The following MIB2 variants were observed in gnomAD, a reference collection of about 807,000 sequenced individuals.
MIB2 encodes the protein E3 ubiquitin-protein ligase MIB2.
In MIB2, 78 loss-of-function variants were observed where a neutral mutation model predicts 96.6. The ratio of observed to expected loss-of-function variants is 0.81; its 90% CI spans 0.67 to 0.97. MIB2 has a LOEUF of 0.97. Ranked by LOEUF, MIB2 falls within the 50% of genes least tolerant of loss-of-function variation. The pLI is 0.00. For missense variants in MIB2, 1,543 were observed against 1,424.0 expected, an observed-to-expected ratio of 1.08 and a Z score of -1.35; for synonymous variants, 820 against 629.5, an observed-to-expected ratio of 1.30 and a Z score of -4.53.
intron 19 of MIB2, 71 bp downstream of exon 19, chr1:1,629,775 C>A (rs528241189): frequency 1.4e-6 from 2 of 1,441,112 alleles, no homozygotes; most frequent in African/African-American, 2.9e-5. Context: ...GTCCCCCACC[C>A]CTTCCCTCCC....
In MIB2 at chr1:1,625,045, C is replaced by T; in HGVS notation, c.581C>T (p.Thr194Ile). 6.2e-7 allele frequency: 1 copy of T among 1,613,182 alleles called. No individual in the cohort carries two copies. The highest frequency in any genetic ancestry group is 8.5e-7 in the Non-Finnish European group (1 of 1,179,976). ...VVDIRGWDVETGRSVASVTWA... is the reference protein window; with the variant it reads ...VVDIRGWDVEIGRSVASVTWA... ...GACATCCGTGGCTGGGATGTGGAGA[C>T]AGGCCGGAGTGTGGCCAGCGTGACG... The change falls in exon 6 of 20, where the codon ACA becomes ATA. Residue 194 changes from threonine (T) to isoleucine (I), a missense_variant. Physicochemically the swap from Thr to Ile is moderately conservative, Grantham distance 89. Transcript: ENST00000355826. This position sits in a 1 kb window ranked among gnomAD's most constrained non-coding sequence, Gnocchi z 5.0.
chr1:1,628,467 G>A, intron 15 of MIB2, 22 bp from the exon 16 acceptor site: 2 of 1,596,212 alleles, frequency 1.3e-6, no homozygotes, highest in Admixed American at 1.7e-5. Flanking sequence ...CCTGGGCTGA[G>A]CCCGTCCCCA....
chr1:1,622,072 C>A (rs1183498812), intron 2 of MIB2, among the ~76,000 whole-genome samples: 1 of 152,194 alleles, frequency 6.6e-6, no homozygotes, highest in African/African-American at 2.4e-5. Context: ...CCTGTGAGGC[C>A]CAGGCTGGCC....
In MIB2 at chr1:1,626,348, G is replaced by T. The variant is rs1644760776; in HGVS notation, c.973-302G>T. On this transcript the variant is annotated intron_variant, in intron 8 of 19. Coordinates refer to ENST00000355826, the MANE Select transcript of MIB2 (RefSeq NM_001170687.4). This position sits in a 1 kb window ranked among gnomAD's most constrained non-coding sequence, Gnocchi z 5.3. ...CTCACGGGCCCTGGCCATGTTGCCT[G>T]CTGCTGGTCAGCGTACAGCTTCCCA... 6.9e-6 allele frequency: 3 copies of T among 433,808 alleles called. No individual in the cohort carries two copies. Among genetic ancestry groups the T allele is most frequent in the Middle Eastern group, 5.9e-4 (1 of 1,682 alleles). The allele number at this position is 433,808 out of a possible 1,614,324, so 26.9% of individuals were successfully genotyped here.
At chr1:1,615,345 C>T (rs1182898144), upstream of MIB2, 6 of 1,396,246 alleles carry the variant, frequency 4.3e-6, no homozygotes, top group Non-Finnish European at 5.5e-6. Flanking sequence ...CGCAGGCGCC[C>T]GGAGGCTAAG....
Position 1,627,110 on chromosome 1 carries a change from A to G in MIB2, c.1277A>G (p.Gln426Arg). ...GTGGCCCTGGACAAGCTTCGGGCCC[A>G]GAAGAGTGACCCAGAGCACCCGGGA... ...LSVALDKLRA[Q>R]KSDPEHPGRL... The change falls in exon 11 of 20, where the codon CAG becomes CGG. Residue 426 changes from glutamine to arginine, a missense_variant. Gln to Arg is a conservative substitution (Grantham distance 43). Coordinates refer to ENST00000355826, the MANE Select transcript of MIB2 (RefSeq NM_001170687.4). 6.2e-7 allele frequency: 1 copy of G among 1,600,730 alleles called. No individual in the cohort carries two copies. The highest frequency in any genetic ancestry group is 8.5e-7 in the Non-Finnish European group (1 of 1,174,146).
chr1:1,629,153 C>T lies in MIB2; in HGVS notation c.2223C>T (p.Pro741=), dbSNP rs955850002. ...CCCAGCTACAGGCCTCGGGCCTCCCCGGCAGCGCGGAGCTGACGGTGGGCG... is the reference window on the plus strand; with the variant it reads ...CCCAGCTACAGGCCTCGGGCCTCCCTGGCAGCGCGGAGCTGACGGTGGGCG... The part of the protein sequence containing the change: ...LLSRLQASGL[P]GSAELTVGAA... Residue 741 remains proline, a synonymous_variant, in exon 17 of 20, where the codon CCC becomes CCT. Coordinates refer to ENST00000355826, the MANE Select transcript of MIB2 (RefSeq NM_001170687.4). 13 of 1,498,920 alleles carry T rather than the reference C, an allele frequency of 8.7e-6. No individual in the cohort carries two copies. Among genetic ancestry groups the T allele is most frequent in the Admixed American group, 2.2e-5 (1 of 46,370 alleles). The allele number at this position is 1,498,920 out of a possible 1,614,324, so 92.9% of individuals were successfully genotyped here. A position where few individuals can be genotyped will look rare whatever the true frequency, so the allele number is the denominator to read the frequency against.
rs192469390 is a variant in MIB2, at chr1:1,626,785, G to T, written c.1077+31G>T. On this transcript the variant is annotated intron_variant, in intron 9 of 19. Transcript: ENST00000355826. This position sits in a 1 kb window ranked among gnomAD's most constrained non-coding sequence, Gnocchi z 5.3. ...TCCCCCTGCCACCCCCGCCGCTAGC[G>T]CCGCTGCCCCCCACACCTGCAGCCT... 7.3e-5 allele frequency: 116 copies of T among 1,580,590 alleles called. 1 individual carries two copies. The highest frequency in any genetic ancestry group is 1.0e-4 in the Admixed American group (6 of 58,140).
rs751690977 is a variant in MIB2 at position 1,623,957 on chromosome 1, G to A, written c.419+12G>A. On this transcript the variant is annotated intron_variant, in intron 4 of 19. Transcript: ENST00000355826. ...GCTCACTCGCGCCCGTGAGTCCCGG[G>A]CCGCACCGGCTCCTGTGCGGCGGGT... is the stretch of plus-strand genomic sequence containing the variant. The A allele has an allele frequency of 6.3e-7, 1 of 1,596,566 alleles. No homozygotes were observed. The highest frequency in any genetic ancestry group is 8.6e-7 in the Non-Finnish European group (1 of 1,168,540).
rs773111225 is a variant in MIB2, at chr1:1,628,536, G to C, written c.2016G>C (p.Leu672=). The change falls in exon 16 of 20, where the codon CTG becomes CTC. Residue 672 remains leucine, a synonymous_variant. Transcript: ENST00000355826. ...NVRNRKLQSP[L]HLAVQQAHVG... The stretch of plus-strand genomic sequence containing the variant: ...GCAACCGGAAGCTGCAGTCCCCGCT[G>C]CATCTCGCCGTGCAACAGGCCCACG... 1 of 1,601,144 alleles carries C rather than the reference G, an allele frequency of 6.2e-7. No homozygotes were observed.
intron 15 of MIB2, 26 bp from the exon 16 acceptor site, chr1:1,628,463 C>A: frequency 6.3e-7 from 1 of 1,595,996 alleles, no homozygotes; most frequent in Non-Finnish European, 8.5e-7. Context: ...GGTCCCTGGG[C>A]TGAGCCCGTC....
chr1:1,627,242 G>C lies in MIB2; in HGVS notation c.1374+35G>C, dbSNP rs370928193. 1.2e-5 allele frequency: 20 copies of C among 1,612,476 alleles called. No homozygotes were observed. In the African/African-American group the frequency reaches 2.5e-4, roughly 20 times the overall value. Reference sequence around the variant, plus strand: ...TGACCCCGTCCTCCCATACTGGCCAGTCTGAGAGTGAGGGGCAGAGGGCCA... The same window carrying C: ...TGACCCCGTCCTCCCATACTGGCCACTCTGAGAGTGAGGGGCAGAGGGCCA... On this transcript the variant is annotated intron_variant, in intron 11 of 19. Transcript: ENST00000355826.
intron 3 of MIB2, 37 bp downstream of exon 3, chr1:1,623,736 G>A (rs764911924): frequency 7.7e-5 from 119 of 1,538,082 alleles, no homozygotes; most frequent in Non-Finnish European, 1.0e-4. Flanking sequence ...GCAGGACCCG[G>A]GGGCGGGAAC....
intron 2 of MIB2, chr1:1,617,526 A>G (rs559579398): frequency 1.3e-5 from 2 of 152,112 alleles, no homozygotes; most frequent in African/African-American, 2.4e-5. Flanking sequence ...GTAAATGCTA[A>G]ATGTGTGACA....
At chr1:1,623,385 A>G (rs1305624170) in intron 2 of MIB2, 46 bp from the exon 3 acceptor site, 1 of 1,594,470 alleles carries the variant, frequency 6.3e-7, no homozygotes, top group African/African-American at 1.4e-5. Context: ...CCCTCTGCCC[A>G]CAGGTCCCGA....
At chr1:1,615,273 G>C (rs539826663), upstream of MIB2, 1,615 of 1,229,706 alleles carry the variant, frequency 1.3e-3, 2 homozygotes, top group Non-Finnish European at 1.6e-3. Context: ...GCCAGCGAGC[G>C]CGACGTCGCT....
intron 2 of MIB2, chr1:1,623,190 A>G: frequency 1.6e-6 from 1 of 608,722 alleles, no homozygotes; most frequent in South Asian, 2.3e-5. Context: ...CCCTGGGCCC[A>G]GACCACCCTG....
intron 2 of MIB2, chr1:1,618,447 C>G (rs946093152): frequency 6.6e-6 from 1 of 151,988 alleles, no homozygotes; most frequent in African/African-American, 2.4e-5. Flanking sequence ...GCTGCCCACC[C>G]CACTCCTACC....
chr1:1,627,462 C>T lies in MIB2; in HGVS notation c.1523+18C>T, dbSNP rs1257552070. On this transcript the variant is annotated intron_variant, in intron 12 of 19. Transcript: ENST00000355826. ...GCCCTGGGGTGAGGCCTGGGAGGGGCCCGGCCGGCGGGGCTGAGCCTGTGC... is the reference window on the plus strand; with the variant it reads ...GCCCTGGGGTGAGGCCTGGGAGGGGTCCGGCCGGCGGGGCTGAGCCTGTGC... 6.3e-7 allele frequency: 1 copy of T among 1,595,182 alleles called. No individual in the cohort carries two copies. The highest frequency in any genetic ancestry group is 1.1e-5 in the South Asian group (1 of 87,430).
Sources: gnomAD v4.1 joint callset for allele counts (sites outside exome capture counted in the v4.1 genomes callset) on GRCh38, gnomAD v4.1.1 for gene constraint, Gnocchi (gnomAD v3.1) non-coding constraint, MANE v1.5 for transcripts, NCBI Gene and HGNC (gene_info 2026-07-23, HGNC 2026-07-21) for gene names.